Variants in OXCT1 observed in about 807,000 individuals in gnomAD.
OXCT1 encodes the protein 3-oxoacid CoA-transferase 1.
Under a neutral mutation model 69.6 loss-of-function variants are expected in OXCT1, and 27 were observed. The observed-to-expected ratio is 0.39, with a 90% CI of 0.29 to 0.54. The LOEUF is 0.54. OXCT1 is among the 20% of genes least tolerant of loss of function. OXCT1 has a pLI of 0.72. For synonymous variants in OXCT1, 202 were observed against 217.8 expected (o/e 0.93, Z 0.64); for missense variants, 437 against 650.2 (o/e 0.67, Z 3.57).
chr5:41,844,392 T>C (rs1392387659), intron 5 of OXCT1, among the ~76,000 whole-genome samples: 2 of 152,156 alleles, frequency 1.3e-5, no homozygotes, highest in African/African-American at 4.8e-5. Flanking sequence ...CTCTTCACAC[T>C]CAGTTGATCA....
At chr5:41,770,427 A>G (rs1177112397) in intron 13 of OXCT1, among the ~76,000 whole-genome samples, 3 of 152,206 alleles carry the variant, frequency 2.0e-5, no homozygotes, top group Non-Finnish European at 4.4e-5. Flanking sequence ...ATGTTAAATA[A>G]ATGTTATTTA....
chr5:41,769,948 C>T (rs56017638), intron 13 of OXCT1, among the ~76,000 whole-genome samples: 27,830 of 151,952 alleles, frequency 0.18, 2,757 homozygotes, highest in Middle Eastern at 0.29. Flanking sequence ...TTAATAGAGA[C>T]GGGGTTTCAC....
chr5:41,750,899 G>T (rs1326165409), intron 14 of OXCT1, among the ~76,000 whole-genome samples: 1 of 151,996 alleles, frequency 6.6e-6, no homozygotes, highest in Non-Finnish European at 1.5e-5. Context: ...GAGGTAAATT[G>T]GGAATCTTGG....
intron 7 of OXCT1, among the ~76,000 whole-genome samples, chr5:41,831,627 T>G (rs974480057): frequency 2.0e-5 from 3 of 152,146 alleles, no homozygotes; most frequent in African/African-American, 7.2e-5. Flanking sequence ...TCAGTGAACT[T>G]TCCTTAAACT....
Position 41,739,390 on chromosome 5 carries a change from T to C in OXCT1, c.1521A>G (p.Ala507=). 1 of 1,595,850 alleles carries C rather than the reference T, an allele frequency of 6.3e-7. No individual in the cohort carries two copies. The highest frequency in any genetic ancestry group is 1.1e-5 in the South Asian group (1 of 90,746). ...DVQKSTGCDF[A]VSPKLMPMQQ... is the part of the protein sequence containing the mutation. The stretch of plus-strand genomic sequence containing the variant: ...TGGATTTGTTCACAGAAATACTTAC[T>C]GCAAAATCACACCCAGTACTCTTCT... The change falls in exon 16 of 17, where the codon GCA becomes GCG. Residue 507 remains alanine (A), a splice_region_variant and synonymous_variant. Transcript: ENST00000196371.
intron 11 of OXCT1, 67 bp downstream of exon 11, chr5:41,800,955 G>A: frequency 1.5e-6 from 2 of 1,347,214 alleles, no homozygotes; most frequent in South Asian, 1.2e-5. Context: ...AAAGAATTGA[G>A]TCCAAACTCT....
chr5:41,869,653 G>T (rs993763827), intron 1 of OXCT1, among the ~76,000 whole-genome samples: 2 of 152,220 alleles, frequency 1.3e-5, no homozygotes, highest in African/African-American at 4.8e-5. Flanking sequence ...ACCTCGGATG[G>T]TTTCCCAGCT....
At chr5:41,851,991 T>C (rs1361357015) in intron 4 of OXCT1, among the ~76,000 whole-genome samples, 1 of 152,126 alleles carries the variant, frequency 6.6e-6, no homozygotes, top group African/African-American at 2.4e-5. Flanking sequence ...GGTTGGGCCC[T>C]GATCTGGTAT....
intron 5 of OXCT1, among the ~76,000 whole-genome samples, chr5:41,844,064 C>T (rs1748776139): frequency 6.6e-6 from 1 of 152,120 alleles, no homozygotes; most frequent in Non-Finnish European, 1.5e-5. Context: ...TATGCAAATG[C>T]AAGGCAAAGT....
chr5:41,796,590 G>C (rs1561083601), intron 11 of OXCT1, among the ~76,000 whole-genome samples: 1 of 152,164 alleles, frequency 6.6e-6, no homozygotes, highest in East Asian at 1.9e-4. Flanking sequence ...GAAAGAGTAA[G>C]CTTATTTATA....
At chr5:41,784,685 A>T (rs531125054) in intron 13 of OXCT1, among the ~76,000 whole-genome samples, 18 of 152,348 alleles carry the variant, frequency 1.2e-4, no homozygotes, top group African/African-American at 3.6e-4. Context: ...GAATCTCTTC[A>T]TCTATAATAA....
rs994208627 is a variant in OXCT1 at position 41,731,038 on chromosome 5, C to T, written c.*691G>A. On this transcript the variant is annotated 3_prime_UTR_variant, in exon 17 of 17. Transcript: ENST00000196371. ...GGACCCTTGAGGATACAAAGGAATA[C>T]TGGGCTGTTTTAAAATGAGAAAACT... is the stretch of plus-strand genomic sequence containing the variant. 6.6e-6 allele frequency: 1 copy of T among 152,356 alleles called. No homozygotes were observed. The highest frequency in any genetic ancestry group is 2.4e-5 in the African/African-American group (1 of 41,450). 9.4% of individuals were successfully genotyped at this position (152,356 alleles called of 1,614,324 possible). A position where few individuals can be genotyped will look rare whatever the true frequency, so the allele number is the denominator to read the frequency against.
chr5:41,800,799 T>C (rs549435758), intron 11 of OXCT1, among the ~76,000 whole-genome samples: 16 of 152,254 alleles, frequency 1.1e-4, no homozygotes, highest in African/African-American at 3.1e-4. Flanking sequence ...CCCTGACTGA[T>C]TGATCCATCA....
intron 7 of OXCT1, among the ~76,000 whole-genome samples, chr5:41,826,079 T>C (rs1561107775): frequency 6.6e-6 from 1 of 152,146 alleles, no homozygotes; most frequent in Non-Finnish European, 1.5e-5. Flanking sequence ...GTGACAGATT[T>C]ATAAGAACCT....
At position 41,861,519 on chromosome 5, in the gene OXCT1, CT is replaced by C; in HGVS notation, c.188-116del. On this transcript the variant is annotated intron_variant, in intron 2 of 16. Coordinates refer to ENST00000196371, the MANE Select transcript of OXCT1 (RefSeq NM_000436.4). ...AAAACAAAGCACATTATTAGATCTA[CT>C]AAGCAAAATACACAGATATATCTCA... is the stretch of plus-strand genomic sequence containing the variant. 5.3e-6 allele frequency: 4 copies of C among 758,128 alleles called. No individual in the cohort carries two copies. The Admixed American group carries it at 7.2e-5, about 14-fold the overall frequency. The allele number at this position is 758,128 out of a possible 1,614,324, so 47.0% of individuals were successfully genotyped here. A position where few individuals can be genotyped will look rare whatever the true frequency, so the allele number is the denominator to read the frequency against.
chr5:41,842,763 G>C lies in OXCT1; in HGVS notation c.583C>G (p.Gln195Glu). ...ATTGCTTCCTCCAAAATAAAGTGCTGACCATTGAACTCCCTCACCTGCAGA... is the reference window on the plus strand; with the variant it reads ...ATTGCTTCCTCCAAAATAAAGTGCTCACCATTGAACTCCCTCACCTGCAGA... The part of the protein sequence containing the change: ...KPREVREFNG[Q>E]HFILEEAITG... The change falls in exon 6 of 17, where the codon CAG (glutamine) becomes GAG (glutamate). Residue 195 changes from glutamine (Q) to glutamate (E), a missense_variant. Around this residue, in one of 4 missense-constraint regions of OXCT1, gnomAD observed 252 missense variants for 397.4 expected, o/e 0.63. Transcript: ENST00000196371. 6.2e-7 allele frequency: 1 copy of C among 1,612,962 alleles called. No homozygotes were observed. Among genetic ancestry groups the C allele is most frequent in the East Asian group, 2.2e-5 (1 of 44,866 alleles).
At chr5:41,864,191 A>G (rs1431620969) in intron 1 of OXCT1, among the ~76,000 whole-genome samples, 3 of 152,206 alleles carry the variant, frequency 2.0e-5, no homozygotes, top group African/African-American at 7.2e-5. Context: ...ATTCATACTC[A>G]ATATCACCTC....
chr5:41,752,136 A>G (rs1251323154), intron 14 of OXCT1, among the ~76,000 whole-genome samples: 1 of 152,108 alleles, frequency 6.6e-6, no homozygotes, highest in Non-Finnish European at 1.5e-5. Context: ...TAGTAAAGGA[A>G]TGCAGTATGG....
chr5:41,784,434 T>C (rs1341865571), intron 13 of OXCT1, among the ~76,000 whole-genome samples: 3 of 152,206 alleles, frequency 2.0e-5, no homozygotes, highest in Non-Finnish European at 2.9e-5. Flanking sequence ...ACTCAACATA[T>C]ATCCTTCAAA....
Sources: gnomAD v4.1 joint callset for allele counts (sites outside exome capture counted in the v4.1 genomes callset) on GRCh38, gnomAD v4.1.1 for gene constraint, gnomAD v4.1.1 regional missense constraint, MANE v1.5 for transcripts, NCBI Gene and HGNC (gene_info 2026-07-23, HGNC 2026-07-21) for gene names.